The following VPS45 variants were observed in gnomAD, a reference collection of about 807,000 sequenced individuals.
VPS45 encodes vacuolar protein sorting 45 homolog.
Under a neutral mutation model 75.9 loss-of-function variants are expected in VPS45, and 35 were observed. The observed-to-expected ratio is 0.46, with a 90% CI of 0.35 to 0.61. The LOEUF (loss-of-function observed/expected upper bound fraction) is 0.61, where lower values mean the gene tolerates loss of function less well. Ranked by LOEUF, VPS45 falls within the 20% of genes least tolerant of loss-of-function variation. The pLI, the probability that VPS45 is intolerant of heterozygous loss-of-function variation, is 0.00. For synonymous variants in VPS45, 220 were observed against 238.2 expected, an observed-to-expected ratio of 0.92 and a Z score of 0.70; for missense variants, 559 against 685.9, an observed-to-expected ratio of 0.81 and a Z score of 2.07.
At position 150,092,341 on chromosome 1, in the gene VPS45, A is replaced by G. The variant is rs1656373254; in HGVS notation, c.1303A>G (p.Arg435Gly). ...TGTTGAATATGGTGGTAAACGAGTC[A>G]GAGGAAGTGACCTCTTCAGCCCCAA... is the stretch of plus-strand genomic sequence containing the variant. ...AVVEYGGKRVRGSDLFSPKDA... is the reference protein window; with the variant it reads ...AVVEYGGKRVGGSDLFSPKDA... The change falls in exon 12 of 15, where the codon AGA (arginine) becomes GGA (glycine). Residue 435 changes from arginine to glycine, a missense_variant. Coordinates refer to ENST00000644510, the MANE Select transcript of VPS45 (RefSeq NM_007259.5). 6.2e-7 allele frequency: 1 copy of G among 1,614,050 alleles called. No individual in the cohort carries two copies.
chr1:150,104,590 G>A (rs1266847394), intron 13 of VPS45, among the ~76,000 whole-genome samples: 5 of 152,048 alleles, frequency 3.3e-5, no homozygotes, highest in Non-Finnish European at 5.9e-5. Flanking sequence ...CCTTTCTTGA[G>A]ACAGCATCTC....
Position 150,107,930 on chromosome 1 carries a change from C to A in VPS45, c.1494-2566C>A, listed in dbSNP as rs962287125. ...AAAAAAGCAAATTTGATCATAGTAA[C>A]CTGTGAGAACCCCATGACCTGTGAG... On this transcript the variant is annotated intron_variant, in intron 13 of 14. Transcript: ENST00000644510. Among the ~76,000 whole-genome samples, 6 of 152,120 alleles carry A rather than the reference C, an allele frequency of 3.9e-5. No homozygotes were observed. In the East Asian group the frequency reaches 9.7e-4, roughly 25 times the overall value.
intron 13 of VPS45, among the ~76,000 whole-genome samples, chr1:150,097,052 A>G (rs1382401896): frequency 6.6e-6 from 1 of 150,994 alleles, no homozygotes; most frequent in Non-Finnish European, 1.5e-5. Flanking sequence ...TTTTTAAGAT[A>G]TATTAGATAG....
At chr1:150,134,662 A>T (rs987228995) in intron 14 of VPS45, among the ~76,000 whole-genome samples, 4 of 152,236 alleles carry the variant, frequency 2.6e-5, no homozygotes, top group Non-Finnish European at 5.9e-5. Context: ...TTATAAAAAT[A>T]GTATCATACT....
chr1:150,108,161 T>G (rs959013791), intron 13 of VPS45, among the ~76,000 whole-genome samples: 1 of 152,174 alleles, frequency 6.6e-6, no homozygotes, highest in Non-Finnish European at 1.5e-5. Context: ...TGTGTTGAAT[T>G]GAGAAATAAT....
At chr1:150,136,626 A>C (rs1659116292) in intron 14 of VPS45, among the ~76,000 whole-genome samples, 1 of 152,118 alleles carries the variant, frequency 6.6e-6, no homozygotes, top group Non-Finnish European at 1.5e-5. Flanking sequence ...CTAAATATAA[A>C]TAATTAATTC....
chr1:150,139,582 C>G (rs1343408789), intron 14 of VPS45, among the ~76,000 whole-genome samples: 1 of 152,074 alleles, frequency 6.6e-6, no homozygotes, highest in African/African-American at 2.4e-5. Context: ...GAGTCTCACT[C>G]TGTCACCCAT....
At chr1:150,096,900 G>A (rs939596453) in intron 13 of VPS45, among the ~76,000 whole-genome samples, 2 of 151,854 alleles carry the variant, frequency 1.3e-5, no homozygotes, top group African/African-American at 4.8e-5. Flanking sequence ...CTTAAGCCAG[G>A]ATGTTCACTG....
chr1:150,117,907 G>T (rs1658025827), intron 14 of VPS45, among the ~76,000 whole-genome samples: 1 of 151,706 alleles, frequency 6.6e-6, no homozygotes, highest in African/African-American at 2.4e-5. Flanking sequence ...GATTAGTAAA[G>T]ATTTTTTATA....
chr1:150,121,306 GTAGTAACCAAT>G (rs1226770872), intron 14 of VPS45, among the ~76,000 whole-genome samples: 1 of 152,108 alleles, frequency 6.6e-6, no homozygotes, highest in Non-Finnish European at 1.5e-5. Context: ...GAAATAAAAT[GTAGTAACCAAT>G]TACAGAGACT....
chr1:150,091,889 G>A, intron 10 of VPS45, 48 bp from the exon 11 acceptor site: 1 of 1,572,754 alleles, frequency 6.4e-7, no homozygotes, highest in Non-Finnish European at 8.7e-7. Context: ...TTGTACAACA[G>A]ATGACTCAAG....
rs587598581 is a variant in VPS45 at position 150,082,412 on chromosome 1, G to T, written c.937-304G>T. ...TCCCAGCTACTCGGGAGGCTGAGGC[G>T]GGGGAATCGCTTGAACCTGGGAGGC... On this transcript the variant is annotated intron_variant, in intron 9 of 14. Coordinates refer to ENST00000644510, the MANE Select transcript of VPS45 (RefSeq NM_007259.5). Among the ~76,000 whole-genome samples, 6 of 152,016 alleles carry T rather than the reference G, an allele frequency of 3.9e-5. No individual in the cohort carries two copies. The South Asian group carries it at 1.0e-3, about 26-fold the overall frequency.
intron 14 of VPS45, among the ~76,000 whole-genome samples, chr1:150,125,258 A>C (rs12082615): frequency 0.04 from 5,910 of 149,338 alleles, 389 homozygotes; most frequent in African/African-American, 0.13. Flanking sequence ...CACATCAAAC[A>C]TTTATCATTT....
At chr1:150,099,289 G>A (rs1446040778) in intron 13 of VPS45, among the ~76,000 whole-genome samples, 1 of 151,866 alleles carries the variant, frequency 6.6e-6, no homozygotes, top group African/African-American at 2.4e-5. Flanking sequence ...GAGGTCGGGA[G>A]TTCAAAACTA....
chr1:150,081,320 T>TC, intron 7 of VPS45, 22 bp from the exon 8 acceptor site: 1 of 1,573,608 alleles, frequency 6.4e-7, no homozygotes, highest in African/African-American at 1.4e-5. Flanking sequence ...GTTACCTTTT[T>TC]TTTTCATAAT....
chr1:150,075,138 C>CTT (rs34217482), intron 3 of VPS45, among the ~76,000 whole-genome samples: 106,351 of 119,272 alleles, frequency 0.89, 48,923 homozygotes, highest in South Asian at 0.99. Flanking sequence ...TTAAAATTGT[C>CTT]TTTTTTTTTT....
chr1:150,096,542 G>A (rs1656666904), intron 13 of VPS45, among the ~76,000 whole-genome samples: 2 of 152,146 alleles, frequency 1.3e-5, no homozygotes, highest in Non-Finnish European at 1.5e-5. Flanking sequence ...TGTTAGATGA[G>A]TAATCCACAG....
At chr1:150,119,999 T>C (rs1244978177) in intron 14 of VPS45, among the ~76,000 whole-genome samples, 1 of 152,076 alleles carries the variant, frequency 6.6e-6, no homozygotes, top group Non-Finnish European at 1.5e-5. Context: ...TCCCAGCTAC[T>C]AGGGAGGCTG....
At chr1:150,140,588 T>C (rs1037028710) in intron 14 of VPS45, among the ~76,000 whole-genome samples, 3 of 152,184 alleles carry the variant, frequency 2.0e-5, no homozygotes, top group African/African-American at 7.2e-5. Context: ...GGGTTTTTTT[T>C]TACTTTCTTC....
Sources: gnomAD v4.1 joint callset for allele counts (sites outside exome capture counted in the v4.1 genomes callset) on GRCh38, gnomAD v4.1.1 for gene constraint, MANE v1.5 for transcripts, NCBI Gene and HGNC (gene_info 2026-07-23, HGNC 2026-07-21) for gene names.